The following CACNA2D1 variants were observed in gnomAD, a reference collection of about 807,000 sequenced individuals.
CACNA2D1 encodes voltage-dependent calcium channel subunit alpha-2/delta-1.
In CACNA2D1, 53 loss-of-function variants were observed where a neutral mutation model predicts 171.5. The observed-to-expected ratio is 0.31, with a 90% CI of 0.25 to 0.39. The LOEUF (loss-of-function observed/expected upper bound fraction) is 0.39, where lower values mean the gene tolerates loss of function less well. CACNA2D1 is among the 10% of genes least tolerant of loss of function. The pLI is 1.00. For missense variants in CACNA2D1, 903 were observed against 1,299.8 expected, an observed-to-expected ratio of 0.69 and a Z score of 4.69; for synonymous variants, 442 against 443.1, an observed-to-expected ratio of 1.00 and a Z score of 0.03.
chr7:82,325,831 G>A (rs1460051314), intron 3 of CACNA2D1, among the ~76,000 whole-genome samples: 3 of 152,104 alleles, frequency 2.0e-5, no homozygotes, highest in Non-Finnish European at 4.4e-5. Flanking sequence ...TTGTTATAAC[G>A]CTGATGAGAA....
chr7:82,092,357 T>C (rs1811272195), intron 6 of CACNA2D1, among the ~76,000 whole-genome samples: 1 of 152,034 alleles, frequency 6.6e-6, no homozygotes, highest in South Asian at 2.1e-4. Flanking sequence ...ATATCTTCTA[T>C]TGATAGTACT....
At chr7:82,153,204 T>G (rs1794030602) in intron 4 of CACNA2D1, among the ~76,000 whole-genome samples, 1 of 151,754 alleles carries the variant, frequency 6.6e-6, no homozygotes, top group Admixed American at 6.6e-5. Flanking sequence ...AAATAACTGT[T>G]TTCCTTTTTG....
At chr7:82,426,089 C>T (rs1418281081) in intron 1 of CACNA2D1, among the ~76,000 whole-genome samples, 67 of 151,196 alleles carry the variant, frequency 4.4e-4, no homozygotes, top group Admixed American at 4.4e-3. Flanking sequence ...CAAGATTGCA[C>T]CACTGCACTC....
At chr7:82,207,329 A>C (rs1800104082) in intron 3 of CACNA2D1, among the ~76,000 whole-genome samples, 1 of 152,196 alleles carries the variant, frequency 6.6e-6, no homozygotes, top group Non-Finnish European at 1.5e-5. Flanking sequence ...TCTATGCCTC[A>C]GTTCATGCTT....
chr7:82,329,446 A>C (rs1817035110), intron 3 of CACNA2D1, among the ~76,000 whole-genome samples: 1 of 152,106 alleles, frequency 6.6e-6, no homozygotes, highest in Non-Finnish European at 1.5e-5. Context: ...ATGCCTAGAG[A>C]CCTTCATTTA....
At chr7:82,067,634 C>T (rs1381852234) in intron 7 of CACNA2D1, among the ~76,000 whole-genome samples, 2 of 152,100 alleles carry the variant, frequency 1.3e-5, no homozygotes, top group Non-Finnish European at 2.9e-5. Context: ...CCATTATTGA[C>T]ACAATCAATG....
chr7:82,055,949 A>AAT (rs2131344669), intron 10 of CACNA2D1, among the ~76,000 whole-genome samples: 1 of 79,672 alleles, frequency 1.3e-5, no homozygotes, highest in South Asian at 4.2e-4. Flanking sequence ...TATATATATA[A>AAT]TTTTTTAAAA....
At chr7:82,193,053 T>C (rs1429600263) in intron 3 of CACNA2D1, among the ~76,000 whole-genome samples, 5 of 151,968 alleles carry the variant, frequency 3.3e-5, no homozygotes, top group Admixed American at 2.0e-4. Flanking sequence ...ATGCTTCTTC[T>C]GCTAAAATAC....
Position 81,969,013 on chromosome 7 carries a change from T to A in CACNA2D1, c.2309-40A>T, listed in dbSNP as rs1584227252. 6 of 1,063,110 alleles carry A rather than the reference T, an allele frequency of 5.6e-6. No individual in the cohort carries two copies. In the East Asian group the frequency reaches 1.5e-4, roughly 26 times the overall value. The allele number at this position is 1,063,110 out of a possible 1,614,324, so 65.9% of individuals were successfully genotyped here. A position where few individuals can be genotyped will look rare whatever the true frequency, so the allele number is the denominator to read the frequency against. ...AATAAATAAAACACCTATCAAGATA[T>A]ATTGAATAATAATATTGATTTTCCG... On this transcript the variant is annotated intron_variant, in intron 28 of 38. Transcript: ENST00000356860.
chr7:82,251,475 G>A (rs890323606), intron 3 of CACNA2D1, among the ~76,000 whole-genome samples: 2 of 151,956 alleles, frequency 1.3e-5, no homozygotes, highest in Non-Finnish European at 2.9e-5. Context: ...GTACCTCAAA[G>A]GAAATATTTA....
intron 1 of CACNA2D1, among the ~76,000 whole-genome samples, chr7:82,377,483 T>G (rs182071480): frequency 6.6e-6 from 1 of 152,340 alleles, no homozygotes; most frequent in Non-Finnish European, 1.5e-5. Flanking sequence ...GGAATTATTT[T>G]GGCTTTTTCT....
At chr7:82,210,633 ATT>A (rs1175257306) in intron 3 of CACNA2D1, among the ~76,000 whole-genome samples, 1 of 152,124 alleles carries the variant, frequency 6.6e-6, no homozygotes. Context: ...TGGAACATGG[ATT>A]TTTGCAGAAG....
intron 3 of CACNA2D1, among the ~76,000 whole-genome samples, chr7:82,263,959 T>G (rs2129337130): frequency 6.6e-6 from 1 of 152,292 alleles, no homozygotes; most frequent in East Asian, 1.9e-4. Flanking sequence ...CTCTGAAAAT[T>G]TGGAAAATAT....
At chr7:81,981,246 A>G (rs747613083) in intron 24 of CACNA2D1, among the ~76,000 whole-genome samples, 11 of 152,184 alleles carry the variant, frequency 7.2e-5, no homozygotes, top group Non-Finnish European at 1.3e-4. Flanking sequence ...AGCAGAAGAA[A>G]TGAAACTCAT....
chr7:82,362,072 C>T (rs1821137654), intron 1 of CACNA2D1, among the ~76,000 whole-genome samples: 1 of 152,114 alleles, frequency 6.6e-6, no homozygotes, highest in Non-Finnish European at 1.5e-5. Context: ...ATTTAACAAG[C>T]TCCGGTGAAA....
rs2190262 is a variant in CACNA2D1, at chr7:82,093,747, G to T, written c.527-8847C>A. Among the ~76,000 whole-genome samples, 88 of 152,132 alleles carry T rather than the reference G, an allele frequency of 5.8e-4. 1 individual carries two copies. The South Asian group carries it at 0.018, about 31-fold the overall frequency. ...TAGTCGCACTAAGATTCTAGTAAAA[G>T]AAATGAAATTATATCAGGTCTAATA... On this transcript the variant is annotated intron_variant, in intron 6 of 38. Transcript: ENST00000356860.
At chr7:82,075,284 C>A (rs1226151232) in intron 7 of CACNA2D1, among the ~76,000 whole-genome samples, 2 of 151,508 alleles carry the variant, frequency 1.3e-5, no homozygotes, top group Non-Finnish European at 2.9e-5. Flanking sequence ...AGATAACACA[C>A]TTAAAGCATT....
intron 1 of CACNA2D1, among the ~76,000 whole-genome samples, chr7:82,390,541 A>G (rs1824993601): frequency 6.6e-6 from 1 of 152,208 alleles, no homozygotes; most frequent in Admixed American, 6.5e-5. Flanking sequence ...AGAAAAGTCA[A>G]TTATCGAAGA....
At chr7:82,375,529 C>G (rs1022644118) in intron 1 of CACNA2D1, among the ~76,000 whole-genome samples, 3 of 152,166 alleles carry the variant, frequency 2.0e-5, no homozygotes, top group African/African-American at 2.4e-5. Context: ...GTTACCCCAG[C>G]CCCATGGCGC....
Sources: gnomAD v4.1 joint callset for allele counts (sites outside exome capture counted in the v4.1 genomes callset) on GRCh38, gnomAD v4.1.1 for gene constraint, MANE v1.5 for transcripts, NCBI Gene and HGNC (gene_info 2026-07-23, HGNC 2026-07-21) for gene names.